VGLL4: variants seen among roughly 807,000 people sequenced by gnomAD.
VGLL4 encodes transcription cofactor vestigial-like protein 4.
Under a neutral mutation model 21.0 loss-of-function variants are expected in VGLL4, and 7 were observed. The ratio of observed to expected loss-of-function variants is 0.33; its 90% CI spans 0.19 to 0.63. VGLL4 has a LOEUF of 0.63. VGLL4 is among the 20% of genes least tolerant of loss of function. VGLL4 has a pLI of 0.78. For synonymous variants in VGLL4, 222 were observed against 173.2 expected (o/e 1.28, Z -2.21); for missense variants, 394 against 425.7 (o/e 0.93, Z 0.66).
Position 11,565,130 on chromosome 3 carries a change from G to A in VGLL4, c.273-111C>T. On this transcript the variant is annotated intron_variant, in intron 2 of 4. Transcript: ENST00000430365. This position sits in a 1 kb window ranked among gnomAD's most constrained non-coding sequence, Gnocchi z 4.1. ...ATTTAATTTTTTACCCTGAAGCTCA[G>A]GTCGTGTGGCTGGGCAGCACGATGA... 9.0e-7 allele frequency: 1 copy of A among 1,114,070 alleles called. No homozygotes were observed. The highest frequency in any genetic ancestry group is 1.2e-6 in the Non-Finnish European group (1 of 845,900). 69.0% of individuals were successfully genotyped at this position (1,114,070 alleles called of 1,614,324 possible). A position where few individuals can be genotyped will look rare whatever the true frequency, so the allele number is the denominator to read the frequency against.
intron 2 of VGLL4, among the ~76,000 whole-genome samples, chr3:11,569,816 G>A (rs2073704292): frequency 6.6e-6 from 1 of 152,202 alleles, no homozygotes; most frequent in African/African-American, 2.4e-5. Flanking sequence ...AGGAGGTGGA[G>A]GCTACAGTGA....
intron 1 of VGLL4, among the ~76,000 whole-genome samples, chr3:11,720,201 C>G (rs1259880619): frequency 1.7e-5 from 2 of 115,222 alleles, no homozygotes; most frequent in African/African-American, 6.9e-5. Flanking sequence ...GCGGCACCCA[C>G]GCCGCCCTCC....
chr3:11,628,926 T>G (rs1378084714), intron 1 of VGLL4, among the ~76,000 whole-genome samples: 1 of 152,234 alleles, frequency 6.6e-6, no homozygotes, highest in Non-Finnish European at 1.5e-5. Context: ...GGGGAAAGCA[T>G]GCTGATTAGC....
At chr3:11,685,100 G>C (rs2076427499) in intron 2 of VGLL4, among the ~76,000 whole-genome samples, 1 of 151,954 alleles carries the variant, frequency 6.6e-6, no homozygotes. Context: ...TTTTGTTCCT[G>C]CGTTAGTTTA....
upstream of VGLL4, chr3:11,721,404 G>A (rs1193807702): frequency 6.6e-6 from 1 of 152,248 alleles, no homozygotes; most frequent in East Asian, 1.9e-4. Flanking sequence ...GGCCCCTTGT[G>A]AAATGTACTC....
intron 1 of VGLL4, among the ~76,000 whole-genome samples, chr3:11,617,356 T>C (rs1249462225): frequency 1.3e-5 from 2 of 152,156 alleles, no homozygotes; most frequent in African/African-American, 4.8e-5. Context: ...TAAAGGGCTC[T>C]GAACACAGGT....
At position 11,611,429 on chromosome 3, in the gene VGLL4, G is replaced by A. The variant is rs184127782; in HGVS notation, c.83-9407C>T. The stretch of plus-strand genomic sequence containing the variant: ...GAGAGCCTGCCGGAGAAATAAGCCC[G>A]CTGAGTCTTTGATCTCAGACTTCCA... On this transcript the variant is annotated intron_variant, in intron 1 of 4. Transcript: ENST00000430365. Among the ~76,000 whole-genome samples the A allele has an allele frequency of 1.7e-3, 255 of 152,270 alleles. 2 individuals are homozygous for A. Among genetic ancestry groups the A allele is most frequent in the Non-Finnish European group, 1.9e-3 (130 of 68,008 alleles).
At chr3:11,619,955 T>C (rs2075233399) in intron 1 of VGLL4, among the ~76,000 whole-genome samples, 1 of 152,186 alleles carries the variant, frequency 6.6e-6, no homozygotes, top group Admixed American at 6.5e-5. Context: ...CTGGAGACTT[T>C]TCAGGGAATT....
chr3:11,626,224 C>T, intron 1 of VGLL4: 1 of 395,714 alleles, frequency 2.5e-6, no homozygotes, highest in Non-Finnish European at 5.0e-6. Context: ...GTCACAACTG[C>T]AGTGGTAACC....
intron 1 of VGLL4, among the ~76,000 whole-genome samples, chr3:11,602,562 G>A (rs1043207806): frequency 2.6e-5 from 4 of 151,988 alleles, no homozygotes; most frequent in Admixed American, 6.5e-5. Flanking sequence ...TAAATACATC[G>A]TTTAATGGGA....
intron 2 of VGLL4, among the ~76,000 whole-genome samples, chr3:11,698,317 T>C (rs1484827986): frequency 6.6e-6 from 1 of 152,166 alleles, no homozygotes; most frequent in African/African-American, 2.4e-5. Flanking sequence ...GAGACCAGCT[T>C]GGGCAACATG....
At chr3:11,582,215 A>C in intron 2 of VGLL4, 2 of 1,541,010 alleles carry the variant, frequency 1.3e-6, no homozygotes, top group South Asian at 2.3e-5. Context: ...TACAGCTGAA[A>C]ATACAGGGTT....
chr3:11,590,619 A>C (rs961534958), intron 2 of VGLL4, among the ~76,000 whole-genome samples: 3 of 151,892 alleles, frequency 2.0e-5, no homozygotes, highest in African/African-American at 4.8e-5. Flanking sequence ...TAAGCCCTCT[A>C]ATTATGTTTT....
intron 2 of VGLL4, among the ~76,000 whole-genome samples, chr3:11,573,252 A>C (rs199569735): frequency 0.53 from 19,002 of 35,652 alleles, 3,553 homozygotes; most frequent in South Asian, 0.62. Context: ...ATAGAGAAAG[A>C]AAGAAAGAAA....
intron 2 of VGLL4, among the ~76,000 whole-genome samples, chr3:11,699,127 A>G (rs2076645344): frequency 6.6e-6 from 1 of 152,258 alleles, no homozygotes. Context: ...AAGCTAAAAT[A>G]GAATTAATGT....
At chr3:11,690,531 C>T (rs569185261) in intron 2 of VGLL4, among the ~76,000 whole-genome samples, 1 of 152,022 alleles carries the variant, frequency 6.6e-6, no homozygotes, top group Non-Finnish European at 1.5e-5. Context: ...ATTCTGCTTG[C>T]TAGTGAACAG....
Position 11,704,383 on chromosome 3 carries a change from CAA to C in VGLL4, c.-13-1338_-13-1337del, listed in dbSNP as rs57593843. On this transcript the variant is annotated intron_variant, in intron 1 of 5. Coordinates refer to the VGLL4 transcript ENST00000273038. ...GGGCAACAAAAGGGAAACTCCGTCT[CAA>C]AAAAAAAAAAAAAAAAAAAAGAAAA... Among the ~76,000 whole-genome samples the C allele has an allele frequency of 5.0e-3, 343 of 69,132 alleles. 1 individual carries two copies. The highest frequency in any genetic ancestry group is 0.022 in the Middle Eastern group (2 of 90). 45.4% of individuals were successfully genotyped at this position (69,132 alleles called of 152,430 possible).
At chr3:11,642,463 G>C (rs997109843) in intron 1 of VGLL4, among the ~76,000 whole-genome samples, 1 of 152,172 alleles carries the variant, frequency 6.6e-6, no homozygotes, top group Non-Finnish European at 1.5e-5. Context: ...GAAATGTCCC[G>C]TGTATTATTG....
intron 1 of VGLL4, chr3:11,611,510 G>A (rs1201941256): frequency 6.6e-6 from 1 of 152,206 alleles, no homozygotes; most frequent in Admixed American, 6.5e-5. Context: ...CCAGTCTGCG[G>A]AATTTTCTTC....
Sources: allele counts gnomAD v4.1 joint callset (sites outside exome capture counted in the v4.1 genomes callset), GRCh38; gene constraint gnomAD v4.1.1; non-coding constraint Gnocchi (gnomAD v3.1); transcripts MANE v1.5; gene names NCBI Gene and HGNC (gene_info 2026-07-23, HGNC 2026-07-21).